The following UBN1 variants were observed in gnomAD, a reference collection of about 807,000 sequenced individuals.
UBN1 encodes the protein ubinuclein 1.
UBN1 carries 17 observed loss-of-function variants against 108.5 expected under a neutral mutation model. The observed-to-expected ratio is 0.16, with a 90% CI of 0.11 to 0.24. UBN1 has a LOEUF of 0.24. Ranked by LOEUF, UBN1 falls within the 10% of genes least tolerant of loss-of-function variation. UBN1 has a pLI of 1.00. For missense variants in UBN1, 1,595 were observed against 1,394.4 expected (o/e 1.14, Z -2.29); for synonymous variants, 726 against 564.2 (o/e 1.29, Z -4.07).
rs147680334 is a variant in UBN1 at position 4,875,161 on chromosome 16, C to G, written c.2751C>G (p.Ser917Arg). 2 of 1,614,140 alleles carry G rather than the reference C, an allele frequency of 1.2e-6. No homozygotes were observed. Among genetic ancestry groups the G allele is most frequent in the Non-Finnish European group, 1.7e-6 (2 of 1,180,058 alleles). Residue 917 changes from serine to arginine, a missense_variant, in exon 15 of 18, where the codon AGC becomes AGG. Physicochemically the swap from Ser to Arg is moderately radical, Grantham distance 110. Coordinates refer to ENST00000262376, the MANE Select transcript of UBN1 (RefSeq NM_001079514.3). Reference protein sequence around the residue: ...SISKHGVSSGSSSSGGTPVQS... With the variant: ...SISKHGVSSGRSSSGGTPVQS... ...CCAAACATGGGGTTTCTTCTGGCAG[C>G]TCTTCCTCGGGAGGAACACCAGTCC...
chr16:4,877,216 C>A lies in UBN1; in HGVS notation c.3265+105C>A, dbSNP rs1245964114. 3 of 1,517,190 alleles carry A rather than the reference C, an allele frequency of 2.0e-6. No individual in the cohort carries two copies. The highest frequency in any genetic ancestry group is 1.4e-5 in the African/African-American group (1 of 72,288). 94.0% of individuals were successfully genotyped at this position (1,517,190 alleles called of 1,614,324 possible). On this transcript the variant is annotated intron_variant, in intron 16 of 17. Transcript: ENST00000262376. The surrounding 1 kb of genome is among the most constrained non-coding windows in gnomAD (Gnocchi z 4.3). ...TCCTGTGTTTGAGTCTGGTGTGTGA[C>A]TGTGGGGAACATCTCCGGGAACTGT...
chr16:4,870,666 C>G (rs375710471), intron 10 of UBN1, 32 bp downstream of exon 10: 3 of 1,612,180 alleles, frequency 1.9e-6, no homozygotes, highest in Non-Finnish European at 2.5e-6. Context: ...CAGGTGCAAC[C>G]CTCCCGTCTT....
chr16:4,874,955 G>A lies in UBN1; in HGVS notation c.2545G>A (p.Ala849Thr), dbSNP rs770703664. 2 of 1,614,126 alleles carry A rather than the reference G, an allele frequency of 1.2e-6. No homozygotes were observed. The highest frequency in any genetic ancestry group is 1.1e-5 in the South Asian group (1 of 91,090). The change falls in exon 15 of 18, where the codon GCC becomes ACC. Residue 849 changes from alanine (A) to threonine (T), a missense_variant. Transcript: ENST00000262376. ...RSLLQLVKTA[A>T]KGQGFHPSAP... ...CCTCCTGCAGTTAGTGAAGACAGCG[G>A]CCAAAGGCCAGGGCTTCCATCCCTC...
intron 12 of UBN1, chr16:4,872,185 T>C (rs1345787545): frequency 1.0e-6 from 1 of 985,282 alleles, no homozygotes; most frequent in East Asian, 1.1e-4. Flanking sequence ...CCTCTCTACG[T>C]AGGCTGGACT....
In UBN1 at chr16:4,877,773, T is replaced by C; in HGVS notation, c.3355+299T>C. 2 of 1,083,726 alleles carry C rather than the reference T, an allele frequency of 1.8e-6. No homozygotes were observed. The highest frequency in any genetic ancestry group is 1.1e-6 in the Non-Finnish European group (1 of 896,796). 67.1% of individuals were successfully genotyped at this position (1,083,726 alleles called of 1,614,324 possible). On this transcript the variant is annotated intron_variant, in intron 17 of 17. Transcript: ENST00000262376. This position sits in a 1 kb window ranked among gnomAD's most constrained non-coding sequence, Gnocchi z 4.3. ...TGTGCGGTGGAGGAGTTCCTAACCC[T>C]CGGCTTGTTTTTTTCTCTTCAGTTT... is the stretch of plus-strand genomic sequence containing the variant.
At chr16:4,873,386 A>G (rs2087733322) in intron 14 of UBN1, among the ~76,000 whole-genome samples, 2 of 152,306 alleles carry the variant, frequency 1.3e-5, no homozygotes, top group Admixed American at 1.3e-4. Context: ...TGATCTTTGT[A>G]TGGAAGAAAT....
At chr16:4,853,215 C>T (rs1253359468) in intron 2 of UBN1, 49 bp downstream of exon 2, 2 of 1,594,166 alleles carry the variant, frequency 1.3e-6, no homozygotes, top group South Asian at 2.2e-5. Flanking sequence ...GCACAGGGGT[C>T]AGTGCATGCA....
At chr16:4,849,350 A>G (rs1567871938) in intron 1 of UBN1, among the ~76,000 whole-genome samples, 3 of 152,210 alleles carry the variant, frequency 2.0e-5, no homozygotes, top group Non-Finnish European at 2.9e-5. Flanking sequence ...TTTGAAAACA[A>G]AAACAAAAAC....
At chr16:4,859,245 C>T (rs932960091) in intron 5 of UBN1, 86 bp downstream of exon 5, 51 of 1,536,328 alleles carry the variant, frequency 3.3e-5, no homozygotes, top group Middle Eastern at 1.7e-4. Context: ...GAATACGTGG[C>T]GCTTGGCCGG....
chr16:4,852,011 A>C (rs745527764), intron 1 of UBN1, among the ~76,000 whole-genome samples: 1 of 152,166 alleles, frequency 6.6e-6, no homozygotes, highest in Admixed American at 6.5e-5. Context: ...AATTTATTCA[A>C]CCATTCCCTG....
chr16:4,857,861 T>A (rs111796481), intron 2 of UBN1, 129 bp from the exon 3 acceptor site: 8 of 682,314 alleles, frequency 1.2e-5, no homozygotes, highest in Non-Finnish European at 2.0e-5. Flanking sequence ...GATGGTAGCA[T>A]GTTTTCTACC....
At chr16:4,875,550 A>C (rs2087840302) in intron 15 of UBN1, 116 bp downstream of exon 15, 1 of 1,410,210 alleles carries the variant, frequency 7.1e-7, no homozygotes, top group Non-Finnish European at 9.5e-7. Context: ...AGGTAGGAAC[A>C]GTGGGCTCAG....
chr16:4,868,736 T>G (rs1596507395), intron 7 of UBN1, 97 bp from the exon 8 acceptor site: 1 of 1,186,712 alleles, frequency 8.4e-7, no homozygotes, highest in East Asian at 2.4e-5. Flanking sequence ...TATTGACAGG[T>G]GCTCTTTATG....
In UBN1 at chr16:4,877,372, T is replaced by C. The variant is rs567812580; in HGVS notation, c.3266-13T>C. The stretch of plus-strand genomic sequence containing the variant: ...TGTGTTTTGTTCTTTTCTCCCCTCC[T>C]GTTTTCTCTCAGGTCTTCTGGCTGG... On this transcript the variant is annotated splice_polypyrimidine_tract_variant and intron_variant, in intron 16 of 17. Transcript: ENST00000262376. The surrounding 1 kb of genome is among the most constrained non-coding windows in gnomAD (Gnocchi z 4.3). 4 of 1,606,950 alleles carry C rather than the reference T, an allele frequency of 2.5e-6. No homozygotes were observed. The African/African-American group carries it at 4.0e-5, about 16-fold the overall frequency.
intron 8 of UBN1, 82 bp from the exon 9 acceptor site, chr16:4,870,130 T>C (rs1212998027): frequency 6.3e-7 from 1 of 1,586,868 alleles, no homozygotes; most frequent in South Asian, 1.1e-5. Context: ...GGCTCCTAGC[T>C]TTCCTCTCCA....
rs2087962726 is a variant in UBN1, at chr16:4,877,916, T to G, written c.3355+442T>G. 1.2e-6 allele frequency: 1 copy of G among 865,860 alleles called. No individual in the cohort carries two copies. Among genetic ancestry groups the G allele is most frequent in the African/African-American group, 1.8e-5 (1 of 54,860 alleles). The allele number at this position is 865,860 out of a possible 1,614,324, so 53.6% of individuals were successfully genotyped here. A position where few individuals can be genotyped will look rare whatever the true frequency, so the allele number is the denominator to read the frequency against. On this transcript the variant is annotated intron_variant, in intron 17 of 17. Transcript: ENST00000262376. This position sits in a 1 kb window ranked among gnomAD's most constrained non-coding sequence, Gnocchi z 4.3. ...GATGTGATTGCTTAACAGAAGGCTC[T>G]CTAAACTTTGTTTCCATTAAAGGGA...
In UBN1 at chr16:4,847,963, CT is replaced by C. The variant is rs2086281378; in HGVS notation, c.-286del. On this transcript the variant is annotated 5_prime_UTR_variant, in exon 1 of 18. Transcript: ENST00000262376. ...GACCGGAGGCTGCTCCCCCGACCCC[CT>C]GGTGTCCCCGGAGTGGCTGCGCGGA... The C allele has an allele frequency of 6.5e-6, 1 of 152,948 alleles. No individual in the cohort carries two copies. The highest frequency in any genetic ancestry group is 1.5e-5 in the Non-Finnish European group (1 of 68,646). 9.5% of individuals were successfully genotyped at this position (152,948 alleles called of 1,614,324 possible). A position where few individuals can be genotyped will look rare whatever the true frequency, so the allele number is the denominator to read the frequency against.
At chr16:4,856,419 A>G (rs766121042) in intron 2 of UBN1, among the ~76,000 whole-genome samples, 4 of 152,236 alleles carry the variant, frequency 2.6e-5, no homozygotes, top group Non-Finnish European at 4.4e-5. Flanking sequence ...AGTCCTTAAT[A>G]GTATGAAGGC....
chr16:4,880,035 CAGAG>C (rs766207913), intron 17 of UBN1, 44 bp from the exon 18 acceptor site: 2 of 1,605,754 alleles, frequency 1.2e-6, no homozygotes, highest in East Asian at 4.5e-5. Context: ...TTAAGGAAAT[CAGAG>C]AGCATGAAAA....
Sources: gnomAD v4.1 joint callset for allele counts (sites outside exome capture counted in the v4.1 genomes callset) on GRCh38, gnomAD v4.1.1 for gene constraint, Gnocchi (gnomAD v3.1) non-coding constraint, MANE v1.5 for transcripts, NCBI Gene and HGNC (gene_info 2026-07-23, HGNC 2026-07-21) for gene names.